Variants in EPM2A observed in about 807,000 individuals in gnomAD.
The protein encoded by EPM2A is EPM2A glucan phosphatase, laforin.
EPM2A carries 21 observed loss-of-function variants against 26.5 expected under a neutral mutation model. The observed-to-expected ratio is 0.79, with a 90% confidence interval of 0.56 to 1.14. The LOEUF (loss-of-function observed/expected upper bound fraction) is 1.14, where lower values mean the gene tolerates loss of function less well. EPM2A is among the 50% of genes most tolerant of loss of function. The pLI is 0.00. For missense variants in EPM2A, 458 were observed against 440.8 expected (o/e 1.04, Z -0.35); for synonymous variants, 217 against 177.6 (o/e 1.22, Z -1.76).
intron 1 of EPM2A, among the ~76,000 whole-genome samples, chr6:145,711,336 A>G (rs1775309687): frequency 6.6e-6 from 1 of 152,236 alleles, no homozygotes. Context: ...CCCAGCCTAC[A>G]AAAGTTCTAC....
rs1010246484 is a variant in EPM2A, at chr6:145,449,183, A to G, written c.555+53339T>C. On this transcript the variant is annotated intron_variant, in intron 4 of 4. Transcript: ENST00000638717. Reference sequence around the variant, plus strand: ...TATTATGCTGTTGACATATTTAGACACCCATTAACATTTTTTTAAAACATT... The same window carrying G: ...TATTATGCTGTTGACATATTTAGACGCCCATTAACATTTTTTTAAAACATT... Among the ~76,000 whole-genome samples, 3 of 152,224 alleles carry G rather than the reference A, an allele frequency of 2.0e-5. No individual in the cohort carries two copies. The East Asian group carries it at 5.8e-4, about 29-fold the overall frequency.
Position 145,591,509 on chromosome 6 carries a change from ACT to A in EPM2A, c.340+43734_340+43735del, listed in dbSNP as rs1781272820. Among the ~76,000 whole-genome samples the A allele has an allele frequency of 2.6e-5, 4 of 152,236 alleles. No homozygotes were observed. The South Asian group carries it at 8.3e-4, about 32-fold the overall frequency. On this transcript the variant is annotated intron_variant, in intron 2 of 3. Coordinates refer to the EPM2A transcript ENST00000450221. ...AAAACAAAAACAAGAATTACAGGAA[ACT>A]CTCATCACAAACCAACAAAAAGAGT... is the stretch of plus-strand genomic sequence containing the variant.
At chr6:145,683,307 GAGTGTGTATA>G (rs1396421989) in intron 2 of EPM2A, among the ~76,000 whole-genome samples, 1 of 135,324 alleles carries the variant, frequency 7.4e-6, no homozygotes, top group East Asian at 2.3e-4. Context: ...GTGTGTGTGT[GAGTGTGTATA>G]TATTAGATTA....
intron 1 of EPM2A, among the ~76,000 whole-genome samples, chr6:145,703,679 T>A (rs1431525478): frequency 2.6e-5 from 4 of 152,214 alleles, no homozygotes; most frequent in African/African-American, 9.6e-5. Flanking sequence ...TGCTGTAGGA[T>A]ACAACTACTC....
intron 4 of EPM2A, among the ~76,000 whole-genome samples, chr6:145,452,559 C>T (rs1582766895): frequency 7.0e-6 from 1 of 143,454 alleles, no homozygotes; most frequent in African/African-American, 2.6e-5. Flanking sequence ...GTAGTCCCAG[C>T]TACTCTGGAG....
chr6:145,542,832 C>G (rs1780532165), intron 2 of EPM2A, among the ~76,000 whole-genome samples: 1 of 152,184 alleles, frequency 6.6e-6, no homozygotes, highest in Non-Finnish European at 1.5e-5. Context: ...AATCTCGGCT[C>G]ACCGCAACCT....
At chr6:145,519,845 G>T (rs538786358) in intron 2 of EPM2A, among the ~76,000 whole-genome samples, 1 of 152,120 alleles carries the variant, frequency 6.6e-6, no homozygotes, top group African/African-American at 2.4e-5. Flanking sequence ...ATCATTAGCC[G>T]CATTCTGAAG....
intron 2 of EPM2A, among the ~76,000 whole-genome samples, chr6:145,547,897 T>C (rs1476964554): frequency 6.6e-6 from 1 of 152,152 alleles, no homozygotes; most frequent in Non-Finnish European, 1.5e-5. Flanking sequence ...TATTTGATTG[T>C]ATATGATAAT....
intron 2 of EPM2A, among the ~76,000 whole-genome samples, chr6:145,649,529 T>C (rs533721775): frequency 2.6e-5 from 4 of 152,320 alleles, no homozygotes; most frequent in Non-Finnish European, 4.4e-5. Flanking sequence ...GTCAAAAATA[T>C]GTTTGACCAG....
At chr6:145,718,217 T>C (rs1297884740) in intron 1 of EPM2A, among the ~76,000 whole-genome samples, 3 of 151,538 alleles carry the variant, frequency 2.0e-5, no homozygotes, top group Non-Finnish European at 2.9e-5. Context: ...GACTTCAAAC[T>C]ATACTACAAG....
chr6:145,727,277 G>A (rs1776258533), intron 1 of EPM2A, among the ~76,000 whole-genome samples: 2 of 152,030 alleles, frequency 1.3e-5, no homozygotes, highest in Admixed American at 6.6e-5. Flanking sequence ...TAAGCTAAAT[G>A]AGAACAAAAG....
chr6:145,579,715 C>T (rs892078536), intron 2 of EPM2A, among the ~76,000 whole-genome samples: 2 of 152,068 alleles, frequency 1.3e-5, no homozygotes, highest in African/African-American at 4.8e-5. Context: ...TAGCATGTTG[C>T]TATTCACTTT....
chr6:145,519,306 A>T (rs1297804638), intron 2 of EPM2A, among the ~76,000 whole-genome samples: 2 of 152,308 alleles, frequency 1.3e-5, no homozygotes, highest in Non-Finnish European at 2.9e-5. Context: ...ATGGATATTT[A>T]ACTCCAGAAA....
chr6:145,681,665 CTTGT>C, intron 2 of EPM2A, among the ~76,000 whole-genome samples: 1 of 151,746 alleles, frequency 6.6e-6, no homozygotes. Flanking sequence ...TTCCCCATTG[CTTGT>C]TTTTCTCAGG....
intron 2 of EPM2A, among the ~76,000 whole-genome samples, chr6:145,672,428 C>T (rs971028752): frequency 2.6e-5 from 4 of 152,128 alleles, no homozygotes; most frequent in Non-Finnish European, 5.9e-5. Flanking sequence ...ACAACAAAGT[C>T]CTAATGCCAG....
In EPM2A at chr6:145,404,681, C is replaced by T. The variant is rs1037577740; in HGVS notation, c.556-20584G>A. Among the ~76,000 whole-genome samples the T allele has an allele frequency of 5.3e-5, 8 of 152,052 alleles. No individual in the cohort carries two copies. In the East Asian group the frequency reaches 9.7e-4, roughly 18 times the overall value. On this transcript the variant is annotated intron_variant, in intron 4 of 4. Transcript: ENST00000638717. ...TCATTATATGGTAAAATAGGCTCAACAACATTGTCAATCCTGAAAATCCAA... is the reference window on the plus strand; with the variant it reads ...TCATTATATGGTAAAATAGGCTCAATAACATTGTCAATCCTGAAAATCCAA...
intron 2 of EPM2A, among the ~76,000 whole-genome samples, chr6:145,585,226 A>G (rs577174724): frequency 5.3e-5 from 8 of 151,756 alleles, no homozygotes; most frequent in East Asian, 1.9e-4. Context: ...TGTTTTGTTT[A>G]TGTTCATTTT....
chr6:145,724,787 G>A (rs1776113969), intron 1 of EPM2A, among the ~76,000 whole-genome samples: 1 of 151,994 alleles, frequency 6.6e-6, no homozygotes, highest in African/African-American at 2.4e-5. Flanking sequence ...ACAAGTGGAT[G>A]TCCATATGGG....
intron 2 of EPM2A, among the ~76,000 whole-genome samples, chr6:145,587,202 A>G (rs1455497423): frequency 6.6e-6 from 1 of 152,220 alleles, no homozygotes; most frequent in Admixed American, 6.5e-5. Context: ...GAACATAAAA[A>G]CAGGCAAATT....
Sources: allele counts gnomAD v4.1 joint callset (sites outside exome capture counted in the v4.1 genomes callset), GRCh38; gene constraint gnomAD v4.1.1; transcripts MANE v1.5; gene names NCBI Gene and HGNC (gene_info 2026-07-23, HGNC 2026-07-21).